TBC1D19: variants seen among roughly 807,000 people sequenced by gnomAD.
TBC1D19 encodes TBC1 domain family, member 19.
Under a neutral mutation model 89.0 loss-of-function variants are expected in TBC1D19, and 60 were observed. That is an observed-to-expected ratio of 0.67 (90% CI 0.55 to 0.84). The LOEUF is 0.84. Ranked by LOEUF, TBC1D19 falls within the 40% of genes least tolerant of loss-of-function variation. The pLI is 0.00. For synonymous variants in TBC1D19, 189 were observed against 199.7 expected (o/e 0.95, Z 0.45); for missense variants, 500 against 610.8 (o/e 0.82, Z 1.91).
intron 8 of TBC1D19, chr4:26,663,070 G>A (rs1288391623): frequency 1.3e-5 from 2 of 152,174 alleles, no homozygotes; most frequent in Admixed American, 6.6e-5. Flanking sequence ...ATGGATGCCT[G>A]CAAGAAAAAC....
At chr4:26,595,228 GTCT>G (rs1317407268) in intron 1 of TBC1D19, among the ~76,000 whole-genome samples, 2 of 152,260 alleles carry the variant, frequency 1.3e-5, no homozygotes, top group African/African-American at 4.8e-5. Context: ...CCATCTGTGT[GTCT>G]TCTTTAGTCA....
chr4:26,813,786 A>G, the TBC1D19 span, among the ~76,000 whole-genome samples: 1 of 152,142 alleles, frequency 6.6e-6, no homozygotes, highest in South Asian at 2.1e-4. Flanking sequence ...TCCATTGCCC[A>G]GGGAGGCAGC....
the TBC1D19 span, among the ~76,000 whole-genome samples, chr4:26,847,877 G>C: frequency 6.6e-6 from 1 of 152,226 alleles, no homozygotes; most frequent in African/African-American, 2.4e-5. Flanking sequence ...AAGAAGGACA[G>C]AGCAGTCATT....
chr4:26,832,155 A>G, the TBC1D19 span, among the ~76,000 whole-genome samples: 1 of 152,246 alleles, frequency 6.6e-6, no homozygotes, highest in African/African-American at 2.4e-5. Context: ...GGATAAGACA[A>G]AAATAAAACT....
intron 18 of TBC1D19, 30 bp from the exon 19 acceptor site, chr4:26,748,381 A>G: frequency 6.6e-7 from 1 of 1,515,072 alleles, no homozygotes; most frequent in South Asian, 1.1e-5. Context: ...TTTCAGTGGT[A>G]CATTAATTTT....
chr4:26,630,840 T>G (rs1483346352), intron 4 of TBC1D19, among the ~76,000 whole-genome samples: 1 of 152,078 alleles, frequency 6.6e-6, no homozygotes, highest in East Asian at 1.9e-4. Flanking sequence ...ATTAATATAT[T>G]AGTCAGTGAG....
the TBC1D19 span, among the ~76,000 whole-genome samples, chr4:26,843,293 A>C: frequency 3.9e-5 from 6 of 152,162 alleles, no homozygotes; most frequent in Non-Finnish European, 7.3e-5. Flanking sequence ...CATCCAAGTA[A>C]ATCTATGTCT....
chr4:26,743,627 T>A (rs1718492627), intron 18 of TBC1D19, among the ~76,000 whole-genome samples: 2 of 152,032 alleles, frequency 1.3e-5, no homozygotes, highest in Non-Finnish European at 2.9e-5. Context: ...TAAAGTACCA[T>A]TGAATTTCAG....
At chr4:26,617,522 G>A (rs1369868373) in intron 3 of TBC1D19, among the ~76,000 whole-genome samples, 1 of 152,170 alleles carries the variant, frequency 6.6e-6, no homozygotes, top group African/African-American at 2.4e-5. Context: ...CAAAAATTGT[G>A]TCTTACATTT....
intron 1 of TBC1D19, among the ~76,000 whole-genome samples, chr4:26,585,752 T>A (rs1304763110): frequency 6.6e-6 from 1 of 152,092 alleles, no homozygotes; most frequent in African/African-American, 2.4e-5. Flanking sequence ...CCCAGCTAAT[T>A]TTTTATGTTT....
chr4:26,646,929 T>A (rs1744009767), intron 7 of TBC1D19, among the ~76,000 whole-genome samples: 1 of 151,978 alleles, frequency 6.6e-6, no homozygotes, highest in Non-Finnish European at 1.5e-5. Context: ...AAGTATAATT[T>A]AAAAAAAGTA....
the TBC1D19 span, among the ~76,000 whole-genome samples, chr4:26,842,754 C>T: frequency 1.3e-5 from 2 of 151,684 alleles, no homozygotes; most frequent in African/African-American, 4.9e-5. Flanking sequence ...TTGCCTGCCT[C>T]AGCCTCCCCA....
Position 26,585,319 on chromosome 4 carries a change from T to C in TBC1D19, c.99+1027T>C, listed in dbSNP as rs574137325. On this transcript the variant is annotated intron_variant, in intron 1 of 20. Transcript: ENST00000264866. ...GATAGCGCTTGATGCTGCCAGTCTT[T>C]TATTTATTTTTATTAATTAATTATA... 15 of 269,512 alleles carry C rather than the reference T, an allele frequency of 5.6e-5. No homozygotes were observed. In the East Asian group the frequency reaches 1.7e-3, roughly 30 times the overall value. 16.7% of individuals were successfully genotyped at this position (269,512 alleles called of 1,614,324 possible).
chr4:26,742,624 A>G (rs1364054330), intron 18 of TBC1D19, 25 bp downstream of exon 18: 1 of 1,582,174 alleles, frequency 6.3e-7, no homozygotes, highest in Admixed American at 1.7e-5. Context: ...CTCCTAATTG[A>G]AGAATAGATA....
intron 4 of TBC1D19, among the ~76,000 whole-genome samples, chr4:26,622,773 C>T (rs770975600): frequency 7.9e-5 from 12 of 152,200 alleles, no homozygotes; most frequent in Non-Finnish European, 1.8e-4. Flanking sequence ...TTTTGCACAA[C>T]AGTGACAGCC....
At chr4:26,795,849 A>T in the TBC1D19 span, among the ~76,000 whole-genome samples, 1 of 152,208 alleles carries the variant, frequency 6.6e-6, no homozygotes, top group Non-Finnish European at 1.5e-5. Flanking sequence ...TTACAGAAAC[A>T]TACAGTGAAT....
At chr4:26,838,987 A>G in the TBC1D19 span, among the ~76,000 whole-genome samples, 1 of 152,248 alleles carries the variant, frequency 6.6e-6, no homozygotes, top group African/African-American at 2.4e-5. Flanking sequence ...ACAGTGCAGT[A>G]GGTGGAAACA....
chr4:26,641,421 G>C (rs1253440996), intron 7 of TBC1D19, among the ~76,000 whole-genome samples: 3 of 152,096 alleles, frequency 2.0e-5, no homozygotes, highest in African/African-American at 4.8e-5. Flanking sequence ...CCCATCTGTA[G>C]GTCACCATCA....
downstream of TBC1D19, among the ~76,000 whole-genome samples, chr4:26,758,417 T>C (rs887832764): frequency 4.6e-5 from 7 of 152,162 alleles, no homozygotes; most frequent in Admixed American, 3.3e-4. Context: ...GATTTTTCTT[T>C]AGTGATCTAC....
Sources: gnomAD v4.1 joint callset for allele counts (sites outside exome capture counted in the v4.1 genomes callset) on GRCh38, gnomAD v4.1.1 for gene constraint, MANE v1.5 for transcripts, NCBI Gene and HGNC (gene_info 2026-07-23, HGNC 2026-07-21) for gene names.